The following NRXN1 variants were observed in gnomAD, a reference collection of about 807,000 sequenced individuals.
NRXN1 encodes neurexin 1.
NRXN1 carries 39 observed loss-of-function variants against 150.9 expected under a neutral mutation model. The ratio of observed to expected loss-of-function variants is 0.26; its 90% CI spans 0.20 to 0.34. The LOEUF (loss-of-function observed/expected upper bound fraction) is 0.34, where lower values mean the gene tolerates loss of function less well. Ranked by LOEUF, NRXN1 falls within the 10% of genes least tolerant of loss-of-function variation. NRXN1 has a pLI of 1.00. For synonymous variants in NRXN1, 924 were observed against 757.0 expected, an observed-to-expected ratio of 1.22 and a Z score of -3.62; for missense variants, 1,815 against 1,949.9, an observed-to-expected ratio of 0.93 and a Z score of 1.30.
chr2:50,453,583 C>T (rs939094035), intron 17 of NRXN1, among the ~76,000 whole-genome samples: 13 of 152,112 alleles, frequency 8.5e-5, no homozygotes, highest in South Asian at 4.1e-4. Context: ...AAAACAATCA[C>T]GCAAACTAAG....
At chr2:50,377,043 T>C (rs1358258890) in intron 17 of NRXN1, among the ~76,000 whole-genome samples, 1 of 152,078 alleles carries the variant, frequency 6.6e-6, no homozygotes, top group Non-Finnish European at 1.5e-5. Context: ...TGACCATTTT[T>C]ATTTTTCTCT....
chr2:49,950,693 A>C (rs1214922674), intron 21 of NRXN1, among the ~76,000 whole-genome samples: 2 of 151,970 alleles, frequency 1.3e-5, no homozygotes, highest in African/African-American at 2.4e-5. Context: ...CTTCATTTAC[A>C]ATTCACCAAT....
intron 15 of NRXN1, among the ~76,000 whole-genome samples, chr2:50,479,967 T>A (rs1262734896): frequency 2.6e-5 from 4 of 151,946 alleles, no homozygotes; most frequent in Non-Finnish European, 4.4e-5. Context: ...AGAGATTGGG[T>A]TTCACCGCGT....
chr2:50,231,590 A>ACTC (rs1381765881), intron 18 of NRXN1, among the ~76,000 whole-genome samples: 1 of 152,102 alleles, frequency 6.6e-6, no homozygotes, highest in Non-Finnish European at 1.5e-5. Flanking sequence ...GCAACAATTC[A>ACTC]CTCATCAAAT....
intron 1 of NRXN1, among the ~76,000 whole-genome samples, chr2:51,030,906 C>A (rs1671439489): frequency 6.6e-6 from 1 of 151,202 alleles, no homozygotes; most frequent in Non-Finnish European, 1.5e-5. Context: ...GTGTGTAACT[C>A]TGTTGGAGCC....
intron 5 of NRXN1, among the ~76,000 whole-genome samples, chr2:50,826,045 G>A (rs949534000): frequency 1.3e-5 from 2 of 152,186 alleles, no homozygotes; most frequent in Non-Finnish European, 2.9e-5. Context: ...TATAGACAGA[G>A]AATGAATTCT....
In NRXN1 at chr2:51,027,884, G is replaced by A; in HGVS notation, c.390C>T (p.Ile130=). 1 of 1,612,112 alleles carries A rather than the reference G, an allele frequency of 6.2e-7. No homozygotes were observed. Among genetic ancestry groups the A allele is most frequent in the Non-Finnish European group, 8.5e-7 (1 of 1,179,726 alleles). Residue 130 remains isoleucine, a synonymous_variant, in exon 2 of 23, where the codon ATC becomes ATT. Coordinates refer to ENST00000401669, the MANE Select transcript of NRXN1 (RefSeq NM_001330078.2). ...CCACCCACTTGGCCTCCACCTGGTC[G>A]ATGAAGAGCGTGGTGTTGCGGAACT... ...RRQFRNTTLF[I]DQVEAKWVEV... is the part of the protein sequence containing the mutation.
intron 5 of NRXN1, among the ~76,000 whole-genome samples, chr2:50,785,491 G>T (rs984188714): frequency 6.6e-6 from 1 of 151,998 alleles, no homozygotes; most frequent in African/African-American, 2.4e-5. Flanking sequence ...CTCATGGTCC[G>T]CCCGCCTTGG....
At chr2:50,660,220 C>A (rs142036210) in intron 5 of NRXN1, among the ~76,000 whole-genome samples, 130 of 152,134 alleles carry the variant, frequency 8.5e-4, no homozygotes, top group African/African-American at 2.9e-3. Flanking sequence ...CCCCATTTCA[C>A]AGATGAGGAA....
At chr2:50,440,808 G>A (rs1332843653) in intron 17 of NRXN1, among the ~76,000 whole-genome samples, 3 of 152,046 alleles carry the variant, frequency 2.0e-5, no homozygotes, top group African/African-American at 4.8e-5. Flanking sequence ...AAGCTATCAT[G>A]ATCTTTATGT....
At chr2:50,249,628 C>T (rs2066849986) in intron 17 of NRXN1, among the ~76,000 whole-genome samples, 1 of 144,648 alleles carries the variant, frequency 6.9e-6, no homozygotes, top group African/African-American at 2.6e-5. Context: ...AAACACATGT[C>T]ATTTCTTTCC....
chr2:50,449,948 A>G (rs917673176), intron 17 of NRXN1, among the ~76,000 whole-genome samples: 1 of 152,170 alleles, frequency 6.6e-6, no homozygotes, highest in African/African-American at 2.4e-5. Flanking sequence ...CAGATATGTT[A>G]ATCAACTTGT....
rs1057521319 is a variant in NRXN1, at chr2:50,531,327, C to T, written c.2247G>A (p.Gln749=). The change falls in exon 11 of 23, where the codon CAG becomes CAA. Residue 749 remains glutamine (Q), a synonymous_variant. Coordinates refer to ENST00000401669, the MANE Select transcript of NRXN1 (RefSeq NM_001330078.2). ...AEDVSLRFRS[Q]RAYGILMATT... ...TTGCCATCAGAATGCCATATGCACGCTGGGATCGGAACCGTAAGGAAACAT... is the reference window on the plus strand; with the variant it reads ...TTGCCATCAGAATGCCATATGCACGTTGGGATCGGAACCGTAAGGAAACAT... The T allele has an allele frequency of 3.1e-6, 5 of 1,613,418 alleles. No homozygotes were observed. Among genetic ancestry groups the T allele is most frequent in the Non-Finnish European group, 4.2e-6 (5 of 1,179,742 alleles).
At chr2:50,943,805 A>T (rs1397430964) in intron 2 of NRXN1, among the ~76,000 whole-genome samples, 1 of 152,212 alleles carries the variant, frequency 6.6e-6, no homozygotes, top group Non-Finnish European at 1.5e-5. Context: ...TGAAAATAAT[A>T]TATGTTGCAG....
At chr2:50,587,046 C>G (rs1025704795) in intron 8 of NRXN1, among the ~76,000 whole-genome samples, 2 of 152,210 alleles carry the variant, frequency 1.3e-5, no homozygotes, top group African/African-American at 4.8e-5. Context: ...ATCCTGAGTT[C>G]CAATGCAATC....
chr2:50,283,743 C>G (rs868779047), intron 17 of NRXN1, among the ~76,000 whole-genome samples: 6 of 152,092 alleles, frequency 3.9e-5, no homozygotes, highest in Middle Eastern at 3.2e-3. Flanking sequence ...AATATATGCT[C>G]TGACTGTAAC....
intron 17 of NRXN1, among the ~76,000 whole-genome samples, chr2:50,397,354 C>G (rs2082115752): frequency 6.6e-6 from 1 of 152,056 alleles, no homozygotes; most frequent in Admixed American, 6.6e-5. Flanking sequence ...ACAGACCACT[C>G]TTCTAAGGTT....
intron 17 of NRXN1, among the ~76,000 whole-genome samples, chr2:50,320,088 A>G (rs2075901229): frequency 6.6e-6 from 1 of 151,258 alleles, no homozygotes. Flanking sequence ...TTCTCCTGTA[A>G]CCTGGACCAT....
intron 5 of NRXN1, among the ~76,000 whole-genome samples, chr2:50,875,571 G>A (rs1384342626): frequency 6.6e-6 from 1 of 151,620 alleles, no homozygotes; most frequent in Non-Finnish European, 1.5e-5. Flanking sequence ...AACAAGATAA[G>A]ATTTCTACCT....
Sources: allele counts gnomAD v4.1 joint callset (sites outside exome capture counted in the v4.1 genomes callset), GRCh38; gene constraint gnomAD v4.1.1; transcripts MANE v1.5; gene names NCBI Gene and HGNC (gene_info 2026-07-23, HGNC 2026-07-21).